The following USH2A variants were observed in gnomAD, a reference collection of about 807,000 sequenced individuals.
USH2A encodes the protein Usher syndrome 2A (autosomal recessive, mild).
In USH2A, 443 loss-of-function variants were observed where a neutral mutation model predicts 538.9. The observed-to-expected ratio is 0.82, with a 90% confidence interval of 0.76 to 0.89. The LOEUF is 0.89. USH2A is among the 40% of genes least tolerant of loss of function. The probability of loss-of-function intolerance (pLI) is 0.00; values close to 1 mark genes in which losing one functional copy is unlikely to be tolerated. For synonymous variants in USH2A, 2,413 were observed against 2,273.5 expected, an observed-to-expected ratio of 1.06 and a Z score of -1.75; for missense variants, 6,633 against 6,324.8, an observed-to-expected ratio of 1.05 and a Z score of -1.65.
intron 55 of USH2A, among the ~76,000 whole-genome samples, chr1:215,777,581 C>T (rs1313273685): frequency 6.6e-6 from 1 of 152,192 alleles, no homozygotes; most frequent in Non-Finnish European, 1.5e-5. Context: ...CCAAGTGACT[C>T]ATTTGATTTT....
intron 11 of USH2A, among the ~76,000 whole-genome samples, chr1:216,285,236 G>A (rs947707376): frequency 2.6e-5 from 4 of 152,174 alleles, no homozygotes; most frequent in African/African-American, 4.8e-5. Context: ...ATGGGCCCAG[G>A]GCCCCCCCAC....
chr1:215,815,524 T>C (rs777947475), intron 48 of USH2A, among the ~76,000 whole-genome samples: 1 of 152,044 alleles, frequency 6.6e-6, no homozygotes, highest in South Asian at 2.1e-4. Context: ...CAGTCACTTA[T>C]TTGGTACAAA....
chr1:215,714,185 A>G (rs1558066020), intron 61 of USH2A, among the ~76,000 whole-genome samples: 1 of 152,266 alleles, frequency 6.6e-6, no homozygotes, highest in Non-Finnish European at 1.5e-5. Context: ...ATAACAAAGC[A>G]TTTGAAAAAC....
intron 30 of USH2A, among the ~76,000 whole-genome samples, chr1:216,059,608 A>G (rs1209873635): frequency 6.6e-6 from 1 of 152,040 alleles, no homozygotes; most frequent in Non-Finnish European, 1.5e-5. Context: ...CCCATTTCCA[A>G]AATATGTAGT....
rs150210797 is a variant in USH2A at position 215,881,198 on chromosome 1, C to T, written c.8224-2100G>A. ...CTCTGTCACCCAGCCTGGAGTGCAG[C>T]GGTGCGATTTCAGCCCACTGCAACC... is the stretch of plus-strand genomic sequence containing the variant. On this transcript the variant is annotated intron_variant, in intron 41 of 71. Transcript: ENST00000307340. 4.2e-3 allele frequency among the ~76,000 whole-genome samples: 639 copies of T among 152,240 alleles called. 5 individuals carry two copies. The highest frequency in any genetic ancestry group is 0.014 in the African/African-American group (589 of 41,548).
Position 216,327,586 on chromosome 1 carries a change from C to G in USH2A, c.848+5G>C, listed in dbSNP as rs74329863. The G allele has an allele frequency of 2.2e-3, 3,482 of 1,613,076 alleles. 41 individuals are homozygous for G. The East Asian group carries it at 0.032, about 15-fold the overall frequency. On this transcript the variant is annotated splice_donor_5th_base_variant and intron_variant, in intron 5 of 71. Transcript: ENST00000307340. ...CTTGAGGTTTACAATGCAACATCTG[C>G]TTACCTGTTTGTAAGTGCCACTTGG...
intron 33 of USH2A, 102 bp from the exon 34 acceptor site, chr1:215,999,160 T>TA (rs1668207777): frequency 5.1e-6 from 5 of 985,508 alleles, no homozygotes; most frequent in Admixed American, 2.2e-5. Context: ...GACACTTTTT[T>TA]AAAAAACATA....
intron 37 of USH2A, among the ~76,000 whole-genome samples, chr1:215,954,232 A>G (rs1333496314): frequency 1.3e-5 from 2 of 152,172 alleles, no homozygotes; most frequent in African/African-American, 4.8e-5. Context: ...CCAAGGGATT[A>G]TAAATCATGC....
intron 30 of USH2A, among the ~76,000 whole-genome samples, chr1:216,067,179 C>G (rs917906550): frequency 3.3e-5 from 5 of 152,178 alleles, no homozygotes; most frequent in Admixed American, 6.5e-5. Flanking sequence ...CCAAACACTG[C>G]GAGTTCTCAC....
At chr1:216,344,261 C>G (rs751157158) in intron 4 of USH2A, among the ~76,000 whole-genome samples, 1 of 152,032 alleles carries the variant, frequency 6.6e-6, no homozygotes, top group Non-Finnish European at 1.5e-5. Context: ...GATTTAGTAA[C>G]AGAAAGAGTC....
At chr1:216,342,916 G>A (rs1024735242) in intron 4 of USH2A, among the ~76,000 whole-genome samples, 2 of 152,014 alleles carry the variant, frequency 1.3e-5, no homozygotes, top group African/African-American at 2.4e-5. Context: ...AGGTTGATAG[G>A]TGCAGCAAAT....
At chr1:215,834,659 A>G (rs372724384) in intron 47 of USH2A, among the ~76,000 whole-genome samples, 27 of 151,880 alleles carry the variant, frequency 1.8e-4, no homozygotes, top group East Asian at 5.8e-4. Flanking sequence ...GTACTCTGCA[A>G]TTTCCTGATA....
intron 27 of USH2A, among the ~76,000 whole-genome samples, chr1:216,074,175 A>C (rs962392672): frequency 6.6e-6 from 1 of 152,230 alleles, no homozygotes; most frequent in Non-Finnish European, 1.5e-5. Flanking sequence ...AAAGGCATCC[A>C]GTTAGCCAGG....
chr1:215,859,342 G>T (rs536523991), intron 44 of USH2A, among the ~76,000 whole-genome samples: 3 of 152,156 alleles, frequency 2.0e-5, no homozygotes, highest in African/African-American at 7.2e-5. Flanking sequence ...AGACCTTCCT[G>T]GCTAACACAG....
chr1:216,062,962 A>G (rs990766736), intron 30 of USH2A, among the ~76,000 whole-genome samples: 6 of 152,224 alleles, frequency 3.9e-5, no homozygotes, highest in Non-Finnish European at 8.8e-5. Flanking sequence ...ATTGGTAAAG[A>G]ACCCTACGCT....
At chr1:216,377,626 T>G (rs2038846549) in intron 3 of USH2A, among the ~76,000 whole-genome samples, 1 of 148,964 alleles carries the variant, frequency 6.7e-6, no homozygotes, top group African/African-American at 2.5e-5. Flanking sequence ...ACTCCAATTC[T>G]GACATGTTTC....
At chr1:215,831,547 T>C (rs751162959) in intron 47 of USH2A, among the ~76,000 whole-genome samples, 60 of 152,138 alleles carry the variant, frequency 3.9e-4, no homozygotes, top group Non-Finnish European at 7.6e-4. Flanking sequence ...GAAACTCAGA[T>C]AGAAACTTAT....
intron 4 of USH2A, among the ~76,000 whole-genome samples, chr1:216,361,499 T>C (rs913327071): frequency 2.6e-4 from 39 of 152,292 alleles, no homozygotes; most frequent in African/African-American, 9.1e-4. Context: ...TTTGCTATCA[T>C]GTATTTGTCA....
At chr1:215,692,269 A>G (rs1192294312) in intron 61 of USH2A, among the ~76,000 whole-genome samples, 1 of 152,110 alleles carries the variant, frequency 6.6e-6, no homozygotes, top group Non-Finnish European at 1.5e-5. Context: ...ATAGTAATAT[A>G]TTCTTTTGAG....
Sources: allele counts gnomAD v4.1 joint callset (sites outside exome capture counted in the v4.1 genomes callset), GRCh38; gene constraint gnomAD v4.1.1; transcripts MANE v1.5; gene names NCBI Gene and HGNC (gene_info 2026-07-23, HGNC 2026-07-21).